DAW1: variants seen among roughly 807,000 people sequenced by gnomAD.
DAW1 encodes the protein dynein assembly factor with WD repeat domains 1.
DAW1 carries 47 observed loss-of-function variants against 56.5 expected under a neutral mutation model. That is an observed-to-expected ratio of 0.83 (90% CI 0.66 to 1.06). The LOEUF is 1.06. Among genes scored for constraint, DAW1 ranks in the 50% least tolerant of loss-of-function variants. The pLI, the probability that DAW1 is intolerant of heterozygous loss-of-function variation, is 0.00. For synonymous variants in DAW1, 190 were observed against 179.0 expected (o/e 1.06, Z -0.49); for missense variants, 505 against 499.3 (o/e 1.01, Z -0.11).
rs1277921440 is a variant in DAW1, at chr2:227,918,856, G to A, written c.1050G>A (p.Lys350=). 3 of 1,613,944 alleles carry A rather than the reference G, an allele frequency of 1.9e-6. No individual in the cohort carries two copies. Among genetic ancestry groups the A allele is most frequent in the Admixed American group, 1.7e-5 (1 of 59,998 alleles). The change falls in exon 11 of 13, where the codon AAG becomes AAA. Residue 350 remains lysine, a splice_region_variant and synonymous_variant. Coordinates refer to ENST00000309931, the MANE Select transcript of DAW1 (RefSeq NM_178821.3). Reference sequence around the variant, plus strand: ...AAGGTCATGAAGGTGAAATTTCAAAGGTGAGTCGCTTTCTCATTTGGAGGA... The same window carrying A: ...AAGGTCATGAAGGTGAAATTTCAAAAGTGAGTCGCTTTCTCATTTGGAGGA... ...KLEGHEGEIS[K]ISFNPQGNHL...
chr2:227,876,676 A>G (rs1463365489), intron 1 of DAW1, among the ~76,000 whole-genome samples: 1 of 152,178 alleles, frequency 6.6e-6, no homozygotes, highest in African/African-American at 2.4e-5. Context: ...GCTGCTATCT[A>G]CTGAATTATC....
intron 2 of DAW1, 140 bp downstream of exon 2, chr2:227,885,563 T>A: frequency 1.9e-6 from 1 of 520,040 alleles, no homozygotes; most frequent in African/African-American, 2.0e-5. Context: ...AGTTTCTGTT[T>A]GTTTCAGGGA....
At chr2:227,885,974 C>A (rs1025085001) in intron 2 of DAW1, among the ~76,000 whole-genome samples, 1 of 105,358 alleles carries the variant, frequency 9.5e-6, no homozygotes, top group Non-Finnish European at 2.1e-5. Flanking sequence ...CTTTTTCTTT[C>A]CTTTTTTTTT....
At chr2:227,907,559 T>C (rs1251544224) in intron 10 of DAW1, among the ~76,000 whole-genome samples, 3 of 152,196 alleles carry the variant, frequency 2.0e-5, no homozygotes, top group Non-Finnish European at 4.4e-5. Flanking sequence ...ATTATTATTA[T>C]TATTTTGAGA....
chr2:227,915,040 G>C (rs946904091), intron 10 of DAW1, among the ~76,000 whole-genome samples: 2 of 151,968 alleles, frequency 1.3e-5, no homozygotes, highest in Admixed American at 6.6e-5. Flanking sequence ...ACTCCCTGAT[G>C]ACAGTGATGC....
intron 1 of DAW1, among the ~76,000 whole-genome samples, chr2:227,883,156 T>A (rs1480625988): frequency 6.6e-6 from 1 of 152,194 alleles, no homozygotes; most frequent in Non-Finnish European, 1.5e-5. Context: ...AAATGAAGAA[T>A]GTGAGCCCAC....
intron 1 of DAW1, among the ~76,000 whole-genome samples, chr2:227,875,819 CT>C (rs1035997121): frequency 2.0e-5 from 3 of 152,146 alleles, no homozygotes; most frequent in African/African-American, 7.2e-5. Flanking sequence ...AAGGCAGGAA[CT>C]TTGTCTATTT....
chr2:227,885,594 T>C (rs1010756251), intron 2 of DAW1, among the ~76,000 whole-genome samples, 171 bp downstream of exon 2: 2 of 152,358 alleles, frequency 1.3e-5, no homozygotes, highest in South Asian at 4.1e-4. Context: ...AGGGTCTTGC[T>C]GAATGAAGAG....
chr2:227,899,862 T>A (rs1294085579), intron 6 of DAW1, among the ~76,000 whole-genome samples: 2 of 152,180 alleles, frequency 1.3e-5, no homozygotes, highest in African/African-American at 4.8e-5. Flanking sequence ...GTCTTGAGGA[T>A]AAGGAAAGTA....
chr2:227,921,139 A>G (rs754176147), intron 11 of DAW1, among the ~76,000 whole-genome samples: 2 of 152,098 alleles, frequency 1.3e-5, no homozygotes, highest in African/African-American at 4.8e-5. Flanking sequence ...AATTATAAGG[A>G]TGCTTTGGTC....
chr2:227,885,544 T>C (rs187774858), intron 2 of DAW1, 121 bp downstream of exon 2: 9 of 640,138 alleles, frequency 1.4e-5, no homozygotes, highest in Non-Finnish European at 2.4e-6. Flanking sequence ...TGTTCTTCTG[T>C]GGTGTGTTAG....
rs192804936 is a variant in DAW1, at chr2:227,873,157, G to C, written c.40+1428G>C. Among the ~76,000 whole-genome samples the C allele has an allele frequency of 1.3e-4, 20 of 152,290 alleles. No homozygotes were observed. The East Asian group carries it at 3.9e-3, about 29-fold the overall frequency. On this transcript the variant is annotated intron_variant, in intron 1 of 12. Coordinates refer to ENST00000309931, the MANE Select transcript of DAW1 (RefSeq NM_178821.3). The stretch of plus-strand genomic sequence containing the variant: ...CCAGCTTTCCCTAGAGCTAGGAAAA[G>C]CTGCTTCCTTTTCTTCATTCAGTTT...
chr2:227,884,977 A>T (rs1038895388), intron 1 of DAW1, among the ~76,000 whole-genome samples: 3 of 152,156 alleles, frequency 2.0e-5, no homozygotes, highest in Non-Finnish European at 2.9e-5. Context: ...TTTGTGGGTC[A>T]GGGAATAGGG....
In DAW1 at chr2:227,906,247, T is replaced by G; in HGVS notation, c.767T>G (p.Ile256Ser). ...WDADTGRKVN[I>S]LIGHCAEISS... ...TTTTTGTGTTGTAGGAAGGTAAATA[T>G]CTTAATTGGTCATTGTGCTGAGATT... The change falls in exon 9 of 13, where the codon ATC becomes AGC. Residue 256 changes from isoleucine (I) to serine (S), a missense_variant. Physicochemically the swap from Ile to Ser is moderately radical, Grantham distance 142. Transcript: ENST00000309931. 1 of 1,611,608 alleles carries G rather than the reference T, an allele frequency of 6.2e-7. No individual in the cohort carries two copies. Among genetic ancestry groups the G allele is most frequent in the Non-Finnish European group, 8.5e-7 (1 of 1,178,638 alleles).
intron 9 of DAW1, 26 bp downstream of exon 9, chr2:227,906,364 GC>G: frequency 6.5e-7 from 1 of 1,538,280 alleles, no homozygotes; most frequent in Non-Finnish European, 9.0e-7. Context: ...AAATATCTTT[GC>G]TTTATATTGT....
At chr2:227,920,941 A>G (rs1448586956) in intron 11 of DAW1, among the ~76,000 whole-genome samples, 1 of 152,026 alleles carries the variant, frequency 6.6e-6, no homozygotes, top group Non-Finnish European at 1.5e-5. Context: ...GGCCTCCCAA[A>G]GTGCTGGGAT....
intron 9 of DAW1, among the ~76,000 whole-genome samples, chr2:227,906,862 C>T (rs1377182993): frequency 6.6e-6 from 1 of 152,170 alleles, no homozygotes; most frequent in Non-Finnish European, 1.5e-5. Context: ...AAAGCATACA[C>T]GTTGAGATAT....
At chr2:227,891,167 A>T in intron 3 of DAW1, 88 bp from the exon 4 acceptor site, 1 of 1,232,294 alleles carries the variant, frequency 8.1e-7, no homozygotes, top group Non-Finnish European at 1.2e-6. Flanking sequence ...TAATTAAGAA[A>T]AAATTGAATG....
chr2:227,886,903 CAAAAG>C (rs1691144484), intron 2 of DAW1, among the ~76,000 whole-genome samples: 1 of 152,208 alleles, frequency 6.6e-6, no homozygotes, highest in South Asian at 2.1e-4. Flanking sequence ...GTGAAAATCA[CAAAAG>C]AAACAAAACA....
Sources: allele counts gnomAD v4.1 joint callset (sites outside exome capture counted in the v4.1 genomes callset), GRCh38; gene constraint gnomAD v4.1.1; transcripts MANE v1.5; gene names NCBI Gene and HGNC (gene_info 2026-07-23, HGNC 2026-07-21).